ASTN2: variants seen among roughly 807,000 people sequenced by gnomAD.
ASTN2 encodes the protein astrotactin-2.
A neutral mutation model predicts 139.8 loss-of-function variants in ASTN2; 54 were observed. The observed-to-expected ratio is 0.39, with a 90% confidence interval of 0.31 to 0.48. The LOEUF is 0.48. ASTN2 is among the 20% of genes least tolerant of loss of function. ASTN2 has a pLI of 0.95. For synonymous variants in ASTN2, 756 were observed against 719.5 expected (o/e 1.05, Z -0.81); for missense variants, 1,565 against 1,725.1 (o/e 0.91, Z 1.64).
intron 20 of ASTN2, among the ~76,000 whole-genome samples, chr9:116,446,786 A>T (rs1848012295): frequency 6.6e-6 from 1 of 152,174 alleles, no homozygotes; most frequent in African/African-American, 2.4e-5. Context: ...TTGTCCACAG[A>T]CTGTGTGGTA....
intron 3 of ASTN2, among the ~76,000 whole-genome samples, chr9:117,152,392 G>A (rs559910000): frequency 6.6e-6 from 1 of 152,198 alleles, no homozygotes; most frequent in South Asian, 2.1e-4. Flanking sequence ...AACATTCAGG[G>A]TTTTCATCTC....
intron 16 of ASTN2, among the ~76,000 whole-genome samples, chr9:116,718,968 ATCTG>A (rs1564230085): frequency 1.0e-5 from 1 of 97,110 alleles, no homozygotes; most frequent in African/African-American, 4.1e-5. Context: ...CTATACCTGT[ATCTG>A]TACATATATA....
At chr9:116,823,783 C>A (rs1313081669) in intron 11 of ASTN2, among the ~76,000 whole-genome samples, 2 of 152,208 alleles carry the variant, frequency 1.3e-5, no homozygotes, top group Non-Finnish European at 2.9e-5. Flanking sequence ...TGATCCACGC[C>A]TGTGGGAAAG....
chr9:116,487,303 T>A (rs1849371841), intron 20 of ASTN2, 56 bp downstream of exon 20: 3 of 1,598,326 alleles, frequency 1.9e-6, no homozygotes, highest in South Asian at 2.3e-5. Context: ...CCATTCCTCT[T>A]AGGCTTAAAA....
intron 5 of ASTN2, among the ~76,000 whole-genome samples, chr9:117,072,098 G>A (rs1488474162): frequency 2.6e-5 from 4 of 152,128 alleles, no homozygotes; most frequent in African/African-American, 9.7e-5. Context: ...CACATTGCAG[G>A]ACTTGAAATT....
intron 4 of ASTN2, among the ~76,000 whole-genome samples, chr9:117,109,536 G>A (rs906015666): frequency 6.6e-6 from 1 of 152,074 alleles, no homozygotes; most frequent in Non-Finnish European, 1.5e-5. Context: ...CCACTTCAAA[G>A]TAAATACTTA....
intron 4 of ASTN2, among the ~76,000 whole-genome samples, chr9:117,103,481 A>G (rs1047962524): frequency 3.3e-5 from 5 of 152,106 alleles, no homozygotes; most frequent in Admixed American, 6.5e-5. Context: ...TGTTATGGAA[A>G]AGTATGGAGC....
At chr9:117,249,782 G>GTT (rs1833487793) in intron 2 of ASTN2, among the ~76,000 whole-genome samples, 1 of 151,966 alleles carries the variant, frequency 6.6e-6, no homozygotes, top group Non-Finnish European at 1.5e-5. Flanking sequence ...AGTCAACAGA[G>GTT]TTGGAGCCAG....
intron 13 of ASTN2, among the ~76,000 whole-genome samples, chr9:116,766,080 C>A (rs184486777): frequency 2.0e-5 from 3 of 152,064 alleles, no homozygotes; most frequent in Non-Finnish European, 4.4e-5. Flanking sequence ...TAAAAGAGAG[C>A]CTAAAACATG....
chr9:117,190,456 T>G (rs772608796), intron 3 of ASTN2, among the ~76,000 whole-genome samples: 18 of 152,206 alleles, frequency 1.2e-4, no homozygotes, highest in Non-Finnish European at 1.0e-4. Context: ...TGGCCCTAAC[T>G]GTTTACCACC....
At chr9:116,996,178 C>T (rs1837009648) in intron 7 of ASTN2, among the ~76,000 whole-genome samples, 1 of 152,056 alleles carries the variant, frequency 6.6e-6, no homozygotes, top group South Asian at 2.1e-4. Flanking sequence ...TGTGAGCCAC[C>T]ACACCCAGCC....
chr9:117,345,710 T>C (rs1036940438), intron 1 of ASTN2, among the ~76,000 whole-genome samples: 2 of 152,178 alleles, frequency 1.3e-5, no homozygotes, highest in Non-Finnish European at 1.5e-5. Context: ...AGGGCTTCTC[T>C]GGACAAGGTA....
intron 5 of ASTN2, among the ~76,000 whole-genome samples, chr9:117,065,944 G>T (rs1465415182): frequency 6.6e-6 from 1 of 151,898 alleles, no homozygotes; most frequent in Non-Finnish European, 1.5e-5. Flanking sequence ...AATGTAGGTA[G>T]AAGATTAAAT....
In ASTN2 at chr9:116,590,164, C is replaced by T. The variant is rs116697802; in HGVS notation, c.3355+28160G>A. 8.4e-3 allele frequency among the ~76,000 whole-genome samples: 1,283 copies of T among 152,304 alleles called. 15 individuals carry two copies. The highest frequency in any genetic ancestry group is 0.028 in the African/African-American group (1,149 of 41,576). ...CCCACCCACTTCCAAGTTGGAGGAG[C>T]GGGAGCCCCACCCTCCGAGGCACAG... On this transcript the variant is annotated intron_variant, in intron 19 of 22. Coordinates refer to ENST00000313400, the MANE Select transcript of ASTN2 (RefSeq NM_001365068.1).
chr9:116,928,833 T>G (rs965421851), intron 10 of ASTN2, among the ~76,000 whole-genome samples: 1 of 152,192 alleles, frequency 6.6e-6, no homozygotes, highest in African/African-American at 2.4e-5. Flanking sequence ...GCATCTATTA[T>G]GTACTATGAG....
intron 20 of ASTN2, among the ~76,000 whole-genome samples, chr9:116,471,603 G>C (rs1157506235): frequency 6.6e-6 from 1 of 152,096 alleles, no homozygotes; most frequent in African/African-American, 2.4e-5. Flanking sequence ...GGCAGTAAAG[G>C]GGGTGGAGGG....
intron 19 of ASTN2, among the ~76,000 whole-genome samples, chr9:116,576,242 C>A (rs2131700888): frequency 6.6e-6 from 1 of 152,248 alleles, no homozygotes; most frequent in Non-Finnish European, 1.5e-5. Context: ...ATATGTCAGG[C>A]ACTGACTAGG....
At chr9:116,878,981 C>T (rs1191376472) in intron 10 of ASTN2, among the ~76,000 whole-genome samples, 1 of 151,852 alleles carries the variant, frequency 6.6e-6, no homozygotes, top group Non-Finnish European at 1.5e-5. Context: ...GTGTGCCCTG[C>T]TGCTCAGGAG....
At chr9:117,135,842 A>G (rs1201276264) in intron 4 of ASTN2, among the ~76,000 whole-genome samples, 4 of 152,140 alleles carry the variant, frequency 2.6e-5, no homozygotes, top group Non-Finnish European at 4.4e-5. Flanking sequence ...CAGGAAGAAT[A>G]TGATCAGCAC....
Sources: gnomAD v4.1 joint callset for allele counts (sites outside exome capture counted in the v4.1 genomes callset) on GRCh38, gnomAD v4.1.1 for gene constraint, MANE v1.5 for transcripts, NCBI Gene and HGNC (gene_info 2026-07-23, HGNC 2026-07-21) for gene names.